The following MYO7B variants were observed in gnomAD, a reference collection of about 807,000 sequenced individuals.
MYO7B encodes unconventional myosin-VIIb.
Under a neutral mutation model 259.7 loss-of-function variants are expected in MYO7B, and 212 were observed. The ratio of observed to expected loss-of-function variants is 0.82; its 90% CI spans 0.73 to 0.91. MYO7B has a LOEUF of 0.91. Among genes scored for constraint, MYO7B ranks in the 40% least tolerant of loss-of-function variants. The probability of loss-of-function intolerance (pLI) is 0.00; values close to 1 mark genes in which losing one functional copy is unlikely to be tolerated. For synonymous variants in MYO7B, 1,197 were observed against 1,166.4 expected (o/e 1.03, Z -0.54); for missense variants, 2,732 against 2,813.5 (o/e 0.97, Z 0.66).
rs1679244135 is a variant in MYO7B, at chr2:127,584,926, C to T, written c.1690+13C>T. On this transcript the variant is annotated intron_variant, in intron 14 of 47. Coordinates refer to ENST00000409816, the MANE Select transcript of MYO7B (RefSeq NM_001393586.1). This position sits in a 1 kb window ranked among gnomAD's most constrained non-coding sequence, Gnocchi z 5.8. ...TACCAAGCAGAAGGTGGGTGCAGCT[C>T]TCCTCTCATGTCCCTTCCAAATCTG... 5 of 1,613,606 alleles carry T rather than the reference C, an allele frequency of 3.1e-6. No homozygotes were observed. The highest frequency in any genetic ancestry group is 1.3e-5 in the African/African-American group (1 of 74,934).
intron 20 of MYO7B, 107 bp downstream of exon 20, chr2:127,606,035 A>C: frequency 1.1e-6 from 1 of 870,780 alleles, no homozygotes; most frequent in Non-Finnish European, 1.8e-6. Context: ...CTCAGGCAGG[A>C]AGGATCAAAT....
At chr2:127,622,709 C>T (rs1011402970) in intron 28 of MYO7B, among the ~76,000 whole-genome samples, 9 of 152,238 alleles carry the variant, frequency 5.9e-5, no homozygotes, top group Non-Finnish European at 5.9e-5. Context: ...TCTCACCCTG[C>T]CCCCGAGCCC....
Position 127,597,774 on chromosome 2 carries a change from A to G in MYO7B, c.2339+1218A>G, listed in dbSNP as rs1679830150. On this transcript the variant is annotated intron_variant, in intron 19 of 47. Transcript: ENST00000409816. This position sits in a 1 kb window ranked among gnomAD's most constrained non-coding sequence, Gnocchi z 4.8. ...CTCAGCCTCCAAAGTAGCTGGTACT[A>G]CTACAGGCGCCCGCCACCATGCCTG... is the stretch of plus-strand genomic sequence containing the variant. Among the ~76,000 whole-genome samples the G allele has an allele frequency of 6.6e-6, 1 of 151,930 alleles. No individual in the cohort carries two copies. Among genetic ancestry groups the G allele is most frequent in the Non-Finnish European group, 1.5e-5 (1 of 67,970 alleles).
At chr2:127,536,477 G>A (rs13014408) in intron 1 of MYO7B, among the ~76,000 whole-genome samples, 4 of 125,272 alleles carry the variant, frequency 3.2e-5, no homozygotes. Flanking sequence ...TGGGGGGGGG[G>A]GTGGGGGAAG....
intron 31 of MYO7B, 70 bp from the exon 32 acceptor site, chr2:127,626,905 C>T: frequency 7.3e-7 from 1 of 1,377,598 alleles, no homozygotes; most frequent in South Asian, 1.3e-5. Context: ...ACTCTTTTAC[C>T]CTGAGCACTA....
Position 127,614,941 on chromosome 2 carries a change from A to G in MYO7B, c.3398+2338A>G, listed in dbSNP as rs1680514433. Among the ~76,000 whole-genome samples the G allele has an allele frequency of 1.3e-5, 2 of 152,312 alleles. No homozygotes were observed. Among genetic ancestry groups the G allele is most frequent in the South Asian group, 4.1e-4 (2 of 4,830 alleles). On this transcript the variant is annotated intron_variant, in intron 26 of 47. Coordinates refer to ENST00000409816, the MANE Select transcript of MYO7B (RefSeq NM_001393586.1). The surrounding 1 kb of genome is among the most constrained non-coding windows in gnomAD (Gnocchi z 4.6). Reference sequence around the variant, plus strand: ...TTGGTGAAATTCCCAGACAAAGCAGATGCCCTGTTCCACATCTGTCACACA... The same window carrying G: ...TTGGTGAAATTCCCAGACAAAGCAGGTGCCCTGTTCCACATCTGTCACACA...
At chr2:127,544,770 C>T (rs950054776) in intron 1 of MYO7B, among the ~76,000 whole-genome samples, 6 of 151,888 alleles carry the variant, frequency 4.0e-5, no homozygotes, top group Non-Finnish European at 5.9e-5. Flanking sequence ...TTAGTAGAGA[C>T]GGGGTTTCAC....
Position 127,584,278 on chromosome 2 carries a change from C to T in MYO7B, c.1500C>T (p.Ala500=). 6.2e-7 allele frequency: 1 copy of T among 1,614,010 alleles called. No homozygotes were observed. Among genetic ancestry groups the T allele is most frequent in the Non-Finnish European group, 8.5e-7 (1 of 1,179,884 alleles). The change falls in exon 13 of 48, where the codon GCC becomes GCT. Residue 500 remains alanine, a synonymous_variant. Coordinates refer to ENST00000409816, the MANE Select transcript of MYO7B (RefSeq NM_001393586.1). The surrounding 1 kb of genome is among the most constrained non-coding windows in gnomAD (Gnocchi z 5.8). ...ATCGGCCCACCCTGGACCTGCTGGC[C>T]CTCAAGCCCATGAGCATCATCTCCC... ...TDNRPTLDLL[A]LKPMSIISLL... is the part of the protein sequence containing the mutation.
chr2:127,591,633 AC>A (rs1382031539), intron 16 of MYO7B, among the ~76,000 whole-genome samples: 1 of 152,190 alleles, frequency 6.6e-6, no homozygotes, highest in Admixed American at 6.5e-5. Context: ...TGTGGCCTGG[AC>A]CCCACCAGCA....
At chr2:127,551,648 C>A (rs1693447625) in intron 1 of MYO7B, among the ~76,000 whole-genome samples, 1 of 152,178 alleles carries the variant, frequency 6.6e-6, no homozygotes, top group South Asian at 2.1e-4. Context: ...TAAAGCAAGG[C>A]CCTAAAGCAG....
In MYO7B at chr2:127,613,538, C is replaced by T. The variant is rs946893521; in HGVS notation, c.3398+935C>T. On this transcript the variant is annotated intron_variant, in intron 26 of 47. Coordinates refer to ENST00000409816, the MANE Select transcript of MYO7B (RefSeq NM_001393586.1). The surrounding 1 kb of genome is among the most constrained non-coding windows in gnomAD (Gnocchi z 4.3). ...TTAAATCTTTTCTGCAAATCCAATA[C>T]CTGGGTCATCTCACGGTCAGTCTCT... is the stretch of plus-strand genomic sequence containing the variant. Among the ~76,000 whole-genome samples the T allele has an allele frequency of 9.2e-5, 14 of 152,164 alleles. No individual in the cohort carries two copies. Among genetic ancestry groups the T allele is most frequent in the African/African-American group, 3.4e-4 (14 of 41,430 alleles).
In MYO7B at chr2:127,628,614, G is replaced by A; in HGVS notation, c.4624+79G>A. 1 of 1,392,104 alleles carries A rather than the reference G, an allele frequency of 7.2e-7. No homozygotes were observed. The highest frequency in any genetic ancestry group is 9.7e-7 in the Non-Finnish European group (1 of 1,031,980). 86.2% of individuals were successfully genotyped at this position (1,392,104 alleles called of 1,614,324 possible). The stretch of plus-strand genomic sequence containing the variant: ...CATGGGGTCTGTAGGTAGGTGGCAT[G>A]CTCATCTCCACACAGCAGCCACAAG... On this transcript the variant is annotated intron_variant, in intron 34 of 47. Transcript: ENST00000409816. This position sits in a 1 kb window ranked among gnomAD's most constrained non-coding sequence, Gnocchi z 4.8.
At chr2:127,549,827 A>G (rs999531927) in intron 1 of MYO7B, among the ~76,000 whole-genome samples, 2 of 152,186 alleles carry the variant, frequency 1.3e-5, no homozygotes, top group Non-Finnish European at 2.9e-5. Context: ...GGGAGTGTGC[A>G]GGCTGAAAGA....
Position 127,612,455 on chromosome 2 carries a change from T to A in MYO7B, c.3271-21T>A, listed in dbSNP as rs1022018870. 2.6e-6 allele frequency: 4 copies of A among 1,551,698 alleles called. No homozygotes were observed. The African/African-American group carries it at 4.1e-5, about 16-fold the overall frequency. ...ATGGGGAGAATCATAGCTGTCCTGATGGCTGCCTTTGGGTTTCAAGGTGGC... is the reference window on the plus strand; with the variant it reads ...ATGGGGAGAATCATAGCTGTCCTGAAGGCTGCCTTTGGGTTTCAAGGTGGC... On this transcript the variant is annotated intron_variant, in intron 25 of 47. Coordinates refer to ENST00000409816, the MANE Select transcript of MYO7B (RefSeq NM_001393586.1).
In MYO7B at chr2:127,611,259, T is replaced by C. The variant is rs186379257; in HGVS notation, c.3193-991T>C. On this transcript the variant is annotated intron_variant, in intron 24 of 47. Coordinates refer to ENST00000409816, the MANE Select transcript of MYO7B (RefSeq NM_001393586.1). This position sits in a 1 kb window ranked among gnomAD's most constrained non-coding sequence, Gnocchi z 5.4. Reference sequence around the variant, plus strand: ...CAAGAAGGAAAGTGCAAATGTCCAGTCTTGGAAGTCACATACCTGTGGCTG... The same window carrying C: ...CAAGAAGGAAAGTGCAAATGTCCAGCCTTGGAAGTCACATACCTGTGGCTG... 1.3e-5 allele frequency among the ~76,000 whole-genome samples: 2 copies of C among 152,258 alleles called. No homozygotes were observed. The highest frequency in any genetic ancestry group is 1.3e-4 in the Admixed American group (2 of 15,306).
intron 27 of MYO7B, among the ~76,000 whole-genome samples, chr2:127,621,315 G>A (rs1279135264): frequency 6.8e-6 from 1 of 147,152 alleles, no homozygotes; most frequent in Non-Finnish European, 1.5e-5. Context: ...CCAGGCCAGA[G>A]TGCAGTGGAG....
intron 38 of MYO7B, 39 bp from the exon 39 acceptor site, chr2:127,632,207 C>CTG: frequency 6.3e-7 from 1 of 1,594,534 alleles, no homozygotes. Flanking sequence ...CCAGGGCCCC[C>CTG]TGAGGGGCCT....
In MYO7B at chr2:127,637,705, A is replaced by G. The variant is rs1266026668; in HGVS notation, c.*288A>G. 1 of 359,854 alleles carries G rather than the reference A, an allele frequency of 2.8e-6. No individual in the cohort carries two copies. The highest frequency in any genetic ancestry group is 2.1e-5 in the African/African-American group (1 of 47,946). 22.3% of individuals were successfully genotyped at this position (359,854 alleles called of 1,614,324 possible). On this transcript the variant is annotated 3_prime_UTR_variant, in exon 48 of 48. Transcript: ENST00000409816. The stretch of plus-strand genomic sequence containing the variant: ...CCCACCCCACCCCACCAGAATGTTC[A>G]ATAAAAACTCCTGGAGCAGGAGAAG...
In MYO7B at chr2:127,597,694, G is replaced by C. The variant is rs1277808344; in HGVS notation, c.2339+1138G>C. Among the ~76,000 whole-genome samples the C allele has an allele frequency of 6.6e-6, 1 of 151,626 alleles. No individual in the cohort carries two copies. The highest frequency in any genetic ancestry group is 1.5e-5 in the Non-Finnish European group (1 of 67,962). ...CAGTCAACCAGGCTGGAGTACAGTG[G>C]CACAATCTTGGCTCACTGCAACCTC... On this transcript the variant is annotated intron_variant, in intron 19 of 47. Transcript: ENST00000409816. The surrounding 1 kb of genome is among the most constrained non-coding windows in gnomAD (Gnocchi z 4.8).
Sources: gnomAD v4.1 joint callset for allele counts (sites outside exome capture counted in the v4.1 genomes callset) on GRCh38, gnomAD v4.1.1 for gene constraint, Gnocchi (gnomAD v3.1) non-coding constraint, MANE v1.5 for transcripts, NCBI Gene and HGNC (gene_info 2026-07-23, HGNC 2026-07-21) for gene names.